NPEPPS: variants seen among roughly 807,000 people sequenced by gnomAD.
The protein encoded by NPEPPS is puromycin-sensitive aminopeptidase.
In NPEPPS, 14 loss-of-function variants were observed where a neutral mutation model predicts 115.5. The observed-to-expected ratio is 0.12, with a 90% CI of 0.08 to 0.19. The LOEUF (loss-of-function observed/expected upper bound fraction) is 0.19. NPEPPS is among the 10% of genes least tolerant of loss of function. The probability of loss-of-function intolerance (pLI) is 1.00; values close to 1 mark genes in which losing one functional copy is unlikely to be tolerated. For synonymous variants in NPEPPS, 285 were observed against 390.6 expected (o/e 0.73, Z 3.19); for missense variants, 523 against 1,110.8 (o/e 0.47, Z 7.52).
At chr17:47,545,048 C>T (rs11079778) in intron 1 of NPEPPS, among the ~76,000 whole-genome samples, 60,781 of 150,780 alleles carry the variant, frequency 0.4, 13,027 homozygotes, top group East Asian at 0.55. Context: ...TTGTTCAGGC[C>T]GGAGGTCAGT....
chr17:47,531,709 C>T (rs1397113084), intron 1 of NPEPPS, among the ~76,000 whole-genome samples, 154 bp downstream of exon 1: 6 of 137,792 alleles, frequency 4.4e-5, no homozygotes, highest in Admixed American at 7.7e-5. Flanking sequence ...CTGCCTTGCT[C>T]TGTTGGGGCT....
chr17:47,569,720 C>T lies in NPEPPS; in HGVS notation c.418+226C>T, dbSNP rs112926575. 3.3e-5 allele frequency among the ~76,000 whole-genome samples: 5 copies of T among 151,830 alleles called. No homozygotes were observed. The East Asian group carries it at 5.8e-4, about 18-fold the overall frequency. On this transcript the variant is annotated intron_variant, in intron 3 of 22. Transcript: ENST00000322157. The stretch of plus-strand genomic sequence containing the variant: ...ACAACCTCCACCTTCCAGGTTCAAG[C>T]GATTCTCCTGCGTCGGCCTCCCGAG...
chr17:47,613,451 G>C (rs9913040), intron 18 of NPEPPS, among the ~76,000 whole-genome samples: 6 of 151,624 alleles, frequency 4.0e-5, no homozygotes, highest in African/African-American at 1.5e-4. Context: ...ATTTTTAGTA[G>C]AGACAGGGTT....
chr17:47,613,808 A>T (rs967225940), intron 19 of NPEPPS, 83 bp downstream of exon 19: 2 of 1,004,454 alleles, frequency 2.0e-6, no homozygotes, highest in South Asian at 1.4e-5. Flanking sequence ...TTAAAAAAAA[A>T]GACAGTCCTA....
chr17:47,598,985 C>G (rs1217478860), intron 13 of NPEPPS, among the ~76,000 whole-genome samples: 1 of 151,908 alleles, frequency 6.6e-6, no homozygotes, highest in Non-Finnish European at 1.5e-5. Context: ...GACCCTGTCT[C>G]TAAAAAAACT....
At chr17:47,602,721 G>C (rs1913289705) in intron 15 of NPEPPS, among the ~76,000 whole-genome samples, 2 of 151,156 alleles carry the variant, frequency 1.3e-5, no homozygotes, top group Admixed American at 6.6e-5. Context: ...GCTTAGGCTG[G>C]ATTCAAACTC....
Position 47,605,572 on chromosome 17 carries a change from G to C in NPEPPS, c.2095+20G>C, listed in dbSNP as rs1238339729. On this transcript the variant is annotated intron_variant, in intron 17 of 22. Transcript: ENST00000322157. ...GAGAAGGTAATGGATATACTAAATG[G>C]AGAAAGAATTACGCAGAAGTTGGTA... 2.7e-6 allele frequency: 4 copies of C among 1,457,832 alleles called. No homozygotes were observed. In the South Asian group the frequency reaches 4.9e-5, roughly 18 times the overall value. 90.3% of individuals were successfully genotyped at this position (1,457,832 alleles called of 1,614,324 possible).
chr17:47,550,914 C>T (rs1004429173), intron 2 of NPEPPS, among the ~76,000 whole-genome samples: 6 of 152,066 alleles, frequency 3.9e-5, no homozygotes, highest in Admixed American at 3.9e-4. Flanking sequence ...AGGCATGAGC[C>T]ACCACGCCCG....
intron 22 of NPEPPS, among the ~76,000 whole-genome samples, chr17:47,620,408 G>A (rs958511533): frequency 6.6e-6 from 1 of 152,136 alleles, no homozygotes; most frequent in Non-Finnish European, 1.5e-5. Flanking sequence ...GCTTACAGTA[G>A]GGTAGTGGCA....
At chr17:47,532,840 C>T (rs1907922832) in intron 1 of NPEPPS, among the ~76,000 whole-genome samples, 1 of 152,090 alleles carries the variant, frequency 6.6e-6, no homozygotes, top group Non-Finnish European at 1.5e-5. Flanking sequence ...GCCCGACAAA[C>T]ATCCTGCACA....
intron 2 of NPEPPS, among the ~76,000 whole-genome samples, chr17:47,563,673 C>T: frequency 6.6e-6 from 1 of 151,922 alleles, no homozygotes; most frequent in East Asian, 1.9e-4. Context: ...CGAGTTCACG[C>T]CATTTTCCTG....
chr17:47,530,242 C>T (rs8065344), upstream of NPEPPS, among the ~76,000 whole-genome samples: 3,829 of 148,002 alleles, frequency 0.026, 158 homozygotes, highest in African/African-American at 0.087. Flanking sequence ...CGCGACCGCC[C>T]GAAACATCCC....
chr17:47,572,293 A>T (rs1423327605), intron 3 of NPEPPS, among the ~76,000 whole-genome samples: 3 of 152,210 alleles, frequency 2.0e-5, no homozygotes, highest in Admixed American at 2.0e-4. Flanking sequence ...TGATGGTGGT[A>T]TACTTGATGT....
intron 2 of NPEPPS, among the ~76,000 whole-genome samples, chr17:47,562,258 C>A (rs969757827): frequency 6.6e-6 from 1 of 152,224 alleles, no homozygotes; most frequent in South Asian, 2.1e-4. Context: ...CCTAGCCTTA[C>A]AACTAGTGTC....
At chr17:47,610,878 G>T (rs1385874184) in intron 17 of NPEPPS, among the ~76,000 whole-genome samples, 1 of 111,146 alleles carries the variant, frequency 9.0e-6, no homozygotes. Context: ...TTTTGAGATG[G>T]AGTCTCACTC....
chr17:47,550,612 A>ATG (rs1463877454), intron 2 of NPEPPS, among the ~76,000 whole-genome samples: 1 of 143,046 alleles, frequency 7.0e-6, no homozygotes, highest in Non-Finnish European at 1.5e-5. Flanking sequence ...ATATATATAT[A>ATG]TGTATATATA....
intron 1 of NPEPPS, 63 bp downstream of exon 1, chr17:47,531,618 C>A (rs1905640923): frequency 6.6e-7 from 1 of 1,506,520 alleles, no homozygotes; most frequent in Non-Finnish European, 8.9e-7. Flanking sequence ...CGCCCGCGGG[C>A]TGGACTCAGG....
rs1390735812 is a variant in NPEPPS at position 47,536,391 on chromosome 17, T to C, written c.255+4836T>C. 9.4e-3 allele frequency among the ~76,000 whole-genome samples: 1,341 copies of C among 142,820 alleles called. 38 individuals are homozygous for C. The East Asian group carries it at 0.096, about 10-fold the overall frequency. The allele number at this position is 142,820 out of a possible 152,430, so 93.7% of individuals were successfully genotyped here. A position where few individuals can be genotyped will look rare whatever the true frequency, so the allele number is the denominator to read the frequency against. On this transcript the variant is annotated intron_variant, in intron 1 of 22. Coordinates refer to ENST00000322157, the MANE Select transcript of NPEPPS (RefSeq NM_006310.4). ...CCAAATTCTGCATATTTTCTCTCTT[T>C]TTTTTTTTTTTTTTTTTTGAGATGG...
At chr17:47,544,858 G>T (rs1385288877) in intron 1 of NPEPPS, among the ~76,000 whole-genome samples, 3 of 148,380 alleles carry the variant, frequency 2.0e-5, no homozygotes, top group Non-Finnish European at 4.5e-5. Flanking sequence ...GATTACAGGT[G>T]TGTGCCACCA....
Sources: gnomAD v4.1 joint callset for allele counts (sites outside exome capture counted in the v4.1 genomes callset) on GRCh38, gnomAD v4.1.1 for gene constraint, MANE v1.5 for transcripts, NCBI Gene and HGNC (gene_info 2026-07-23, HGNC 2026-07-21) for gene names.